Variants in BCAS3 observed in about 807,000 individuals in gnomAD.
The protein encoded by BCAS3 is BCAS4/BCAS3 fusion.
A neutral mutation model predicts 116.1 loss-of-function variants in BCAS3; 53 were observed. The ratio of observed to expected loss-of-function variants is 0.46; its 90% CI spans 0.37 to 0.57. The LOEUF is 0.57. Ranked by LOEUF, BCAS3 falls within the 20% of genes least tolerant of loss-of-function variation. BCAS3 has a pLI of 0.00. For synonymous variants in BCAS3, 391 were observed against 408.2 expected (o/e 0.96, Z 0.51); for missense variants, 917 against 1,165.4 (o/e 0.79, Z 3.10).
intron 6 of BCAS3, among the ~76,000 whole-genome samples, chr17:60,756,524 C>T (rs2043004269): frequency 6.6e-6 from 1 of 152,186 alleles, no homozygotes; most frequent in South Asian, 2.1e-4. Flanking sequence ...GAACATGTGA[C>T]ATCTGAATTT....
At chr17:61,066,749 A>G (rs1485051515) in intron 19 of BCAS3, among the ~76,000 whole-genome samples, 2 of 152,094 alleles carry the variant, frequency 1.3e-5, no homozygotes, top group Non-Finnish European at 2.9e-5. Context: ...CATAAAATTG[A>G]GGTTTTCTTC....
chr17:61,296,716 A>G (rs1433427598), intron 22 of BCAS3, among the ~76,000 whole-genome samples: 1 of 152,228 alleles, frequency 6.6e-6, no homozygotes, highest in Non-Finnish European at 1.5e-5. Flanking sequence ...TGGAAAAATT[A>G]TTGACTAAAC....
At chr17:60,687,413 G>A (rs1010022304) in intron 3 of BCAS3, among the ~76,000 whole-genome samples, 2 of 152,172 alleles carry the variant, frequency 1.3e-5, no homozygotes, top group African/African-American at 4.8e-5. Context: ...AGACCAGCCT[G>A]AGCAACATGG....
chr17:60,745,079 T>C (rs1158774318), intron 5 of BCAS3, among the ~76,000 whole-genome samples: 1 of 152,122 alleles, frequency 6.6e-6, no homozygotes, highest in African/African-American at 2.4e-5. Flanking sequence ...TACACTTCTT[T>C]AACATAAAGG....
chr17:61,213,040 A>T lies in BCAS3; in HGVS notation c.2425+128476A>T, dbSNP rs187063170. Among the ~76,000 whole-genome samples the T allele has an allele frequency of 3.9e-5, 6 of 152,302 alleles. No individual in the cohort carries two copies. The highest frequency in any genetic ancestry group is 7.4e-5 in the Non-Finnish European group (5 of 68,022). On this transcript the variant is annotated intron_variant, in intron 22 of 23. Coordinates refer to ENST00000407086, the MANE Select transcript of BCAS3 (RefSeq NM_017679.5). The surrounding 1 kb of genome is among the most constrained non-coding windows in gnomAD (Gnocchi z 5.4). ...GAATCCCAACTAGATAGTTTGGGAT[A>T]GTTCTTTGGGGCAGGACCCATGTCA... is the stretch of plus-strand genomic sequence containing the variant.
At chr17:61,271,632 T>C (rs1468452414) in intron 22 of BCAS3, among the ~76,000 whole-genome samples, 1 of 141,028 alleles carries the variant, frequency 7.1e-6, no homozygotes, top group African/African-American at 2.7e-5. Flanking sequence ...TGTGTGTGTG[T>C]GTTTAGTAGA....
rs150860541 is a variant in BCAS3 at position 60,972,444 on chromosome 17, CTTT to C, written c.1222-17507_1222-17505del. Among the ~76,000 whole-genome samples, 170 of 114,070 alleles carry C rather than the reference CTTT, an allele frequency of 1.5e-3. 1 individual carries two copies. Among genetic ancestry groups the C allele is most frequent in the African/African-American group, 5.3e-3 (139 of 26,110 alleles). The allele number at this position is 114,070 out of a possible 152,430, so 74.8% of individuals were successfully genotyped here. A position where few individuals can be genotyped will look rare whatever the true frequency, so the allele number is the denominator to read the frequency against. ...ATGTTGGGCTTTTATCTCACTTGGC[CTTT>C]TTTTTTTTTTTTTTTTTTTGAGACA... On this transcript the variant is annotated intron_variant, in intron 14 of 23. Coordinates refer to ENST00000407086, the MANE Select transcript of BCAS3 (RefSeq NM_017679.5).
chr17:61,166,484 G>A (rs1403775910), intron 22 of BCAS3, among the ~76,000 whole-genome samples: 1 of 136,240 alleles, frequency 7.3e-6, no homozygotes, highest in Non-Finnish European at 1.5e-5. Flanking sequence ...TGCAACCTGC[G>A]TCTCCTGGGT....
chr17:61,086,176 C>T (rs1658256809), intron 22 of BCAS3, among the ~76,000 whole-genome samples: 1 of 152,242 alleles, frequency 6.6e-6, no homozygotes, highest in African/African-American at 2.4e-5. Context: ...GCAGCCTCTG[C>T]CTCCCAGGTT....
intron 14 of BCAS3, among the ~76,000 whole-genome samples, chr17:60,969,539 T>G (rs2061840280): frequency 6.6e-6 from 1 of 152,130 alleles, no homozygotes; most frequent in Non-Finnish European, 1.5e-5. Context: ...AAGTAGAGCC[T>G]TAGCAACTTG....
chr17:61,207,725 G>T (rs1568576153), intron 22 of BCAS3, among the ~76,000 whole-genome samples: 8 of 152,030 alleles, frequency 5.3e-5, no homozygotes, highest in Admixed American at 3.9e-4. Context: ...TTTCTATGTT[G>T]CTTTAGAATC....
chr17:61,078,752 C>G (rs1041219406), intron 21 of BCAS3, among the ~76,000 whole-genome samples: 1 of 152,122 alleles, frequency 6.6e-6, no homozygotes, highest in Non-Finnish European at 1.5e-5. Context: ...TTATATTCTC[C>G]CTAAATCTAA....
intron 22 of BCAS3, among the ~76,000 whole-genome samples, chr17:61,237,439 C>T (rs770895995): frequency 6.6e-6 from 1 of 152,234 alleles, no homozygotes; most frequent in Non-Finnish European, 1.5e-5. Context: ...GGAATAAAAG[C>T]TGGCCATCCC....
At position 60,990,616 on chromosome 17, in the gene BCAS3, T is replaced by C. The variant is rs2063465737; in HGVS notation, c.1486+381T>C. On this transcript the variant is annotated intron_variant, in intron 15 of 23. Coordinates refer to ENST00000407086, the MANE Select transcript of BCAS3 (RefSeq NM_017679.5). This position sits in a 1 kb window ranked among gnomAD's most constrained non-coding sequence, Gnocchi z 5.1. ...ATTCATTGTTGGAAAGAAATAGTCA[T>C]GGGTAATGTGTATTTTAGATAGAGC... Among the ~76,000 whole-genome samples the C allele has an allele frequency of 2.0e-5, 3 of 152,052 alleles. No individual in the cohort carries two copies. Among genetic ancestry groups the C allele is most frequent in the Admixed American group, 2.0e-4 (3 of 15,258 alleles).
rs549366606 is a variant in BCAS3 at position 61,362,558 on chromosome 17, G to T, written c.2426-5769G>T. On this transcript the variant is annotated intron_variant, in intron 22 of 23. Transcript: ENST00000407086. The surrounding 1 kb of genome is among the most constrained non-coding windows in gnomAD (Gnocchi z 4.4). ...TAGGCTTCCTTGCCTCTTTAACAAT[G>T]GTGTACAAAGGCAAAGCACGTGTTC... Among the ~76,000 whole-genome samples, 4 of 152,140 alleles carry T rather than the reference G, an allele frequency of 2.6e-5. No homozygotes were observed. Among genetic ancestry groups the T allele is most frequent in the Admixed American group, 6.5e-5 (1 of 15,272 alleles).
Position 61,375,998 on chromosome 17 carries a change from G to C in BCAS3, c.2593+7504G>C, listed in dbSNP as rs117320457. ...CTTTGCAGACATTTCAGAAGATGTG[G>C]TGGTGGTTAGAATTTTCTGCATCCC... On this transcript the variant is annotated intron_variant, in intron 23 of 23. Transcript: ENST00000407086. Among the ~76,000 whole-genome samples the C allele has an allele frequency of 5.5e-3, 843 of 152,298 alleles. 3 individuals carry two copies. The highest frequency in any genetic ancestry group is 8.5e-3 in the Non-Finnish European group (580 of 68,022).
chr17:60,808,137 A>G, intron 7 of BCAS3, 61 bp downstream of exon 7: 1 of 1,174,852 alleles, frequency 8.5e-7, no homozygotes. Context: ...TTCCAGAGGG[A>G]GAACTTTGAT....
intron 13 of BCAS3, among the ~76,000 whole-genome samples, chr17:60,940,246 G>T (rs964978534): frequency 1.3e-5 from 2 of 152,224 alleles, no homozygotes; most frequent in South Asian, 2.1e-4. Flanking sequence ...TTTTGTAAGG[G>T]ATCAGCTAAA....
intron 19 of BCAS3, among the ~76,000 whole-genome samples, chr17:61,060,166 G>T (rs549316693): frequency 2.0e-5 from 3 of 150,828 alleles, no homozygotes; most frequent in Non-Finnish European, 4.4e-5. Context: ...TTGCTCTGTC[G>T]CCCAGGCTGG....
Sources: gnomAD v4.1 joint callset for allele counts (sites outside exome capture counted in the v4.1 genomes callset) on GRCh38, gnomAD v4.1.1 for gene constraint, Gnocchi (gnomAD v3.1) non-coding constraint, MANE v1.5 for transcripts, NCBI Gene and HGNC (gene_info 2026-07-23, HGNC 2026-07-21) for gene names.